CFAP54: variants seen among roughly 807,000 people sequenced by gnomAD.
The protein encoded by CFAP54 is cilia and flagella associated protein 54, also known as cilia- and flagella-associated protein 54.
Under a neutral mutation model 370.4 loss-of-function variants are expected in CFAP54, and 290 were observed. The observed-to-expected ratio is 0.78, with a 90% CI of 0.71 to 0.86. CFAP54 has a LOEUF of 0.86. Ranked by LOEUF, CFAP54 falls within the 40% of genes least tolerant of loss-of-function variation. The pLI, the probability that CFAP54 is intolerant of heterozygous loss-of-function variation, is 0.00. For missense variants in CFAP54, 3,399 were observed against 3,528.7 expected (o/e 0.96, Z 0.93); for synonymous variants, 1,206 against 1,236.5 (o/e 0.98, Z 0.52).
intron 39 of CFAP54, among the ~76,000 whole-genome samples, chr12:96,678,515 G>A (rs1320024918): frequency 1.3e-5 from 2 of 152,190 alleles, no homozygotes; most frequent in African/African-American, 4.8e-5. Context: ...GCCTCCCAAA[G>A]TTCTGGGATT....
chr12:96,676,240 C>T (rs1957207421), intron 39 of CFAP54, among the ~76,000 whole-genome samples: 1 of 152,060 alleles, frequency 6.6e-6, no homozygotes. Context: ...GAGGGATGCT[C>T]TGGAAATAAA....
At chr12:96,529,997 C>CT (rs1346176823) in intron 9 of CFAP54, among the ~76,000 whole-genome samples, 1 of 152,068 alleles carries the variant, frequency 6.6e-6, no homozygotes, top group African/African-American at 2.4e-5. Flanking sequence ...GAAATTAGAT[C>CT]TTTTTTGTTT....
rs7398728 is a variant in CFAP54, at chr12:96,725,107, C to T, written c.6965+4542C>T. On this transcript the variant is annotated intron_variant, in intron 50 of 67. Coordinates refer to ENST00000524981, the MANE Select transcript of CFAP54 (RefSeq NM_001306084.2). ...TGTAGTATAGTTTGAAGTCAGGTAG[C>T]GTGATGCCTCCAGCTTTGTTCTTTT... Among the ~76,000 whole-genome samples the T allele has an allele frequency of 9.7e-3, 1,469 of 152,180 alleles. 56 individuals are homozygous for T. The East Asian group carries it at 0.1, about 11-fold the overall frequency.
rs552486268 is a variant in CFAP54, at chr12:96,695,689, A to G, written c.6351+1881A>G. ...TGAGTAACACATTCACATAGTTGAA[A>G]TTCAGTAATTAACTATTGAATTTAA... On this transcript the variant is annotated intron_variant, in intron 45 of 67. Coordinates refer to ENST00000524981, the MANE Select transcript of CFAP54 (RefSeq NM_001306084.2). Among the ~76,000 whole-genome samples, 4 of 152,348 alleles carry G rather than the reference A, an allele frequency of 2.6e-5. No homozygotes were observed. In the South Asian group the frequency reaches 8.3e-4, roughly 32 times the overall value.
In CFAP54 at chr12:96,512,975, T is replaced by C. The variant is rs958475995; in HGVS notation, c.740-11T>C. 3 of 1,495,230 alleles carry C rather than the reference T, an allele frequency of 2.0e-6. No homozygotes were observed. In the African/African-American group the frequency reaches 4.2e-5, roughly 21 times the overall value. The allele number at this position is 1,495,230 out of a possible 1,614,324, so 92.6% of individuals were successfully genotyped here. A position where few individuals can be genotyped will look rare whatever the true frequency, so the allele number is the denominator to read the frequency against. Reference sequence around the variant, plus strand: ...CTGTAAAACATGTTAACAATCGTTTTCTCCATCCAGGTACCATTTATATTT... The same window carrying C: ...CTGTAAAACATGTTAACAATCGTTTCCTCCATCCAGGTACCATTTATATTT... On this transcript the variant is annotated splice_polypyrimidine_tract_variant and intron_variant, in intron 4 of 67. Coordinates refer to ENST00000524981, the MANE Select transcript of CFAP54 (RefSeq NM_001306084.2).
chr12:96,535,293 G>A (rs1480025796), intron 11 of CFAP54, among the ~76,000 whole-genome samples: 7 of 151,952 alleles, frequency 4.6e-5, no homozygotes, highest in African/African-American at 7.3e-5. Flanking sequence ...CAAGTGATCC[G>A]TCTGCCTCAG....
intron 64 of CFAP54, 73 bp from the exon 65 acceptor site, chr12:96,817,702 G>C: frequency 2.9e-6 from 3 of 1,021,386 alleles, no homozygotes; most frequent in Non-Finnish European, 3.9e-6. Context: ...TTACAGGCGT[G>C]AGCCACCACG....
At chr12:96,494,284 T>C (rs1465594191) in intron 1 of CFAP54, among the ~76,000 whole-genome samples, 4 of 151,904 alleles carry the variant, frequency 2.6e-5, no homozygotes, top group African/African-American at 9.7e-5. Flanking sequence ...TGGGTAGTTT[T>C]GGCAAAGGAT....
chr12:96,531,558 A>G (rs1265784383), intron 9 of CFAP54, among the ~76,000 whole-genome samples: 2 of 151,714 alleles, frequency 1.3e-5, no homozygotes, highest in Non-Finnish European at 2.9e-5. Flanking sequence ...TTCATCCTCC[A>G]TGTCTTATTT....
At chr12:96,500,380 A>G (rs1955012694) in intron 1 of CFAP54, among the ~76,000 whole-genome samples, 2 of 152,230 alleles carry the variant, frequency 1.3e-5, no homozygotes. Context: ...GTGGATAGAC[A>G]TTATATACAT....
At chr12:96,550,537 A>G (rs998543268) in intron 15 of CFAP54, among the ~76,000 whole-genome samples, 2 of 152,218 alleles carry the variant, frequency 1.3e-5, no homozygotes, top group African/African-American at 4.8e-5. Flanking sequence ...AGATCGCACC[A>G]CTGCACTCCA....
intron 65 of CFAP54, among the ~76,000 whole-genome samples, chr12:96,826,906 ATGC>A: frequency 7.8e-6 from 1 of 127,398 alleles, no homozygotes; most frequent in Non-Finnish European, 1.6e-5. Context: ...TATATTATAT[ATGC>A]AATTATATAT....
chr12:96,646,016 A>G (rs1388019118), intron 33 of CFAP54: 2 of 152,176 alleles, frequency 1.3e-5, no homozygotes, highest in African/African-American at 4.8e-5. Context: ...AACCTAGGCA[A>G]TACCATTCAG....
intron 40 of CFAP54, among the ~76,000 whole-genome samples, chr12:96,684,122 T>C (rs917227078): frequency 7.9e-5 from 12 of 152,160 alleles, no homozygotes; most frequent in African/African-American, 2.9e-4. Context: ...ATTTTCTGCC[T>C]TCAGGTAAAA....
At chr12:96,506,069 G>A (rs1955096612) in intron 3 of CFAP54, among the ~76,000 whole-genome samples, 1 of 152,152 alleles carries the variant, frequency 6.6e-6, no homozygotes, top group Admixed American at 6.5e-5. Flanking sequence ...GCCGGGCGCG[G>A]TGGCTCACGC....
In CFAP54 at chr12:96,508,724, T is replaced by C. The variant is rs1290998170; in HGVS notation, c.739+1625T>C. On this transcript the variant is annotated intron_variant, in intron 4 of 67. Coordinates refer to ENST00000524981, the MANE Select transcript of CFAP54 (RefSeq NM_001306084.2). ...TTTTATTCTGTTTCCTTTTTTTTTT[T>C]TCCTGCTGAATATTGTGGGGTTTTA... 2.0e-5 allele frequency among the ~76,000 whole-genome samples: 3 copies of C among 152,130 alleles called. No homozygotes were observed. The South Asian group carries it at 6.2e-4, about 32-fold the overall frequency.
chr12:96,676,913 G>C (rs1311412256), intron 39 of CFAP54, among the ~76,000 whole-genome samples: 1 of 152,128 alleles, frequency 6.6e-6, no homozygotes, highest in Admixed American at 6.5e-5. Flanking sequence ...AACCGTCTGC[G>C]AGCCAGGGAG....
At chr12:96,664,763 A>C (rs1165058116) in intron 39 of CFAP54, among the ~76,000 whole-genome samples, 3 of 20,432 alleles carry the variant, frequency 1.5e-4, no homozygotes, top group African/African-American at 2.3e-4. Context: ...ATCTATATAT[A>C]TCTATATCTA....
chr12:96,753,698 C>A, intron 55 of CFAP54, 45 bp from the exon 56 acceptor site: 1 of 1,583,518 alleles, frequency 6.3e-7, no homozygotes, highest in Non-Finnish European at 8.6e-7. Context: ...GTTATAAACA[C>A]CGTGTATTTT....
Sources: gnomAD v4.1 joint callset for allele counts (sites outside exome capture counted in the v4.1 genomes callset) on GRCh38, gnomAD v4.1.1 for gene constraint, MANE v1.5 for transcripts, NCBI Gene and HGNC (gene_info 2026-07-23, HGNC 2026-07-21) for gene names.